The following SETD5 variants were observed in gnomAD, a reference collection of about 807,000 sequenced individuals.
The protein encoded by SETD5 is histone-lysine N-methyltransferase SETD5.
Under a neutral mutation model 153.3 loss-of-function variants are expected in SETD5, and 44 were observed. That is an observed-to-expected ratio of 0.29 (90% CI 0.23 to 0.37). The LOEUF (loss-of-function observed/expected upper bound fraction) is 0.37. SETD5 is among the 10% of genes least tolerant of loss of function. The pLI is 1.00. For missense variants in SETD5, 1,544 were observed against 1,768.0 expected, an observed-to-expected ratio of 0.87 and a Z score of 2.27; for synonymous variants, 716 against 645.2, an observed-to-expected ratio of 1.11 and a Z score of -1.66.
chr3:9,408,888 C>T (rs1044137457), intron 1 of SETD5, among the ~76,000 whole-genome samples: 1 of 152,000 alleles, frequency 6.6e-6, no homozygotes, highest in Non-Finnish European at 1.5e-5. Flanking sequence ...ATTAAAATAA[C>T]AGTAATAAAG....
At chr3:9,431,743 G>A (rs150500553) in intron 3 of SETD5, 6 of 982,784 alleles carry the variant, frequency 6.1e-6, no homozygotes, top group Middle Eastern at 5.2e-4. Flanking sequence ...ATATTTACCC[G>A]TTTGGAGATG....
In SETD5 at chr3:9,475,799, G is replaced by T; in HGVS notation, c.4037G>T (p.Ser1346Ile). 1 of 1,613,998 alleles carries T rather than the reference G, an allele frequency of 6.2e-7. No homozygotes were observed. Among genetic ancestry groups the T allele is most frequent in the South Asian group, 1.1e-5 (1 of 91,086 alleles). The part of the protein sequence containing the change: ...PRRSCPSSAA[S>I]PTLQGPSDSP... The stretch of plus-strand genomic sequence containing the variant: ...AGGAGCTGCCCTTCTAGTGCTGCTA[G>T]CCCTACCCTGCAGGGACCCTCAGAC... The change falls in exon 23 of 23, where the codon AGC becomes ATC. Residue 1346 changes from serine (S) to isoleucine (I), a missense_variant. Around this residue, in one of 9 missense-constraint regions of SETD5, gnomAD observed 302 missense variants for 277.6 expected, o/e 1.09. Coordinates refer to ENST00000402198, the MANE Select transcript of SETD5 (RefSeq NM_001080517.3).
Position 9,434,546 on chromosome 3 carries a change from T to C in SETD5, c.329+61T>C. 3.1e-6 allele frequency: 5 copies of C among 1,605,938 alleles called. No individual in the cohort carries two copies. Among genetic ancestry groups the C allele is most frequent in the Non-Finnish European group, 4.3e-6 (5 of 1,175,526 alleles). ...TGCTGGGATTAGGGTTTCTTACAAGTAGGGAAAAGCTCAAAGTATTCTTTC... is the reference window on the plus strand; with the variant it reads ...TGCTGGGATTAGGGTTTCTTACAAGCAGGGAAAAGCTCAAAGTATTCTTTC... On this transcript the variant is annotated intron_variant, in intron 5 of 22. Coordinates refer to ENST00000402198, the MANE Select transcript of SETD5 (RefSeq NM_001080517.3). The surrounding 1 kb of genome is among the most constrained non-coding windows in gnomAD (Gnocchi z 5.6).
chr3:9,406,256 G>GT (rs1468674161), intron 1 of SETD5, among the ~76,000 whole-genome samples: 1 of 152,164 alleles, frequency 6.6e-6, no homozygotes, highest in Non-Finnish European at 1.5e-5. Flanking sequence ...AGACAAAAGA[G>GT]TTTAACCTAA....
At chr3:9,472,830 G>T (rs1245330452) in intron 19 of SETD5, among the ~76,000 whole-genome samples, 1 of 152,058 alleles carries the variant, frequency 6.6e-6, no homozygotes, top group African/African-American at 2.4e-5. Context: ...TCACCTGGGA[G>T]GCTTTTTAAA....
In SETD5 at chr3:9,457,559, A is replaced by C. The variant is rs139721390; in HGVS notation, c.2476+3691A>C. 1.6e-3 allele frequency among the ~76,000 whole-genome samples: 236 copies of C among 150,872 alleles called. 1 individual carries two copies. Among genetic ancestry groups the C allele is most frequent in the Non-Finnish European group, 2.8e-3 (187 of 67,708 alleles). ...TCACTGGATAGAAGGATAAATATATAAAAAGTGTAAATATATTTTAAAAAA... is the reference window on the plus strand; with the variant it reads ...TCACTGGATAGAAGGATAAATATATCAAAAGTGTAAATATATTTTAAAAAA... On this transcript the variant is annotated intron_variant, in intron 17 of 22. Coordinates refer to ENST00000402198, the MANE Select transcript of SETD5 (RefSeq NM_001080517.3).
chr3:9,474,863 G>T (rs2045693586), intron 21 of SETD5: 1 of 620,956 alleles, frequency 1.6e-6, no homozygotes, highest in Non-Finnish European at 2.8e-6. Flanking sequence ...TGAAGAGAAA[G>T]AAGACGGGAA....
At chr3:9,438,175 G>A (rs2040819004) in intron 7 of SETD5, among the ~76,000 whole-genome samples, 1 of 152,166 alleles carries the variant, frequency 6.6e-6, no homozygotes, top group African/African-American at 2.4e-5. Flanking sequence ...AGTTGGGAGA[G>A]GACTCAGAGC....
At chr3:9,470,995 C>G in intron 19 of SETD5, 66 bp downstream of exon 19, 1 of 827,984 alleles carries the variant, frequency 1.2e-6, no homozygotes, top group South Asian at 1.8e-5. Flanking sequence ...AGTAGATATT[C>G]ATAAGTTTCT....
At chr3:9,454,938 C>G (rs1457904946) in intron 17 of SETD5, among the ~76,000 whole-genome samples, 3 of 152,038 alleles carry the variant, frequency 2.0e-5, no homozygotes, top group Non-Finnish European at 4.4e-5. Context: ...AGCAACCTTT[C>G]AGGTTGCAAC....
intron 1 of SETD5, among the ~76,000 whole-genome samples, chr3:9,418,840 G>A (rs959746536): frequency 6.6e-6 from 1 of 151,644 alleles, no homozygotes; most frequent in Non-Finnish European, 1.5e-5. Context: ...CATAAACATT[G>A]GGAATTTGCA....
intron 15 of SETD5, 109 bp from the exon 16 acceptor site, chr3:9,448,279 A>C (rs2042243503): frequency 6.8e-7 from 1 of 1,462,128 alleles, no homozygotes; most frequent in Admixed American, 2.5e-5. Flanking sequence ...ATTCATTCTT[A>C]CTGCAGCTGC....
chr3:9,412,349 CA>C (rs1201674261), intron 1 of SETD5, among the ~76,000 whole-genome samples: 1 of 141,918 alleles, frequency 7.0e-6, no homozygotes. Flanking sequence ...CCCCCACCAC[CA>C]AAAAAATAAG....
At chr3:9,440,877 A>G (rs2041192852) in intron 8 of SETD5, among the ~76,000 whole-genome samples, 179 bp downstream of exon 8, 1 of 152,204 alleles carries the variant, frequency 6.6e-6, no homozygotes, top group Admixed American at 6.5e-5. Context: ...CTACCTGGAT[A>G]CATATTTTTA....
At chr3:9,403,515 C>T (rs2035164695) in intron 1 of SETD5, among the ~76,000 whole-genome samples, 1 of 152,174 alleles carries the variant, frequency 6.6e-6, no homozygotes, top group South Asian at 2.1e-4. Flanking sequence ...AATTTTATTT[C>T]ATTAAGATAG....
chr3:9,445,449 TTC>T, intron 12 of SETD5, 149 bp downstream of exon 12: 2 of 1,009,918 alleles, frequency 2.0e-6, no homozygotes, highest in South Asian at 1.6e-5. Context: ...ATACATTTCT[TTC>T]TGTTTTACAA....
At chr3:9,427,281 G>A (rs879944795) in intron 2 of SETD5, among the ~76,000 whole-genome samples, 3 of 152,204 alleles carry the variant, frequency 2.0e-5, no homozygotes, top group Non-Finnish European at 2.9e-5. Context: ...AGGCACGGTG[G>A]CTCACGCCTA....
chr3:9,421,285 T>C (rs753774359), intron 1 of SETD5, among the ~76,000 whole-genome samples: 4 of 152,112 alleles, frequency 2.6e-5, no homozygotes, highest in Non-Finnish European at 5.9e-5. Context: ...ACTCCTAATA[T>C]AGTGCCTTTT....
intron 18 of SETD5, among the ~76,000 whole-genome samples, chr3:9,469,955 A>G (rs2125571178): frequency 6.6e-6 from 1 of 152,298 alleles, no homozygotes; most frequent in East Asian, 1.9e-4. Context: ...CAGTAACTTA[A>G]GTACTTGCCT....
Sources: allele counts gnomAD v4.1 joint callset (sites outside exome capture counted in the v4.1 genomes callset), GRCh38; gene constraint gnomAD v4.1.1; regional missense constraint gnomAD v4.1.1; non-coding constraint Gnocchi (gnomAD v3.1); transcripts MANE v1.5; gene names NCBI Gene and HGNC (gene_info 2026-07-23, HGNC 2026-07-21).